The following SLC25A13 variants were observed in gnomAD, a reference collection of about 807,000 sequenced individuals.
The protein encoded by SLC25A13 is solute carrier family 25 member 13, also known as electrogenic aspartate/glutamate antiporter SLC25A13, mitochondrial.
SLC25A13 carries 70 observed loss-of-function variants against 85.5 expected under a neutral mutation model. The observed-to-expected ratio is 0.82, with a 90% CI of 0.68 to 1.00. SLC25A13 has a LOEUF of 1.00. Ranked by LOEUF, SLC25A13 falls within the 50% of genes least tolerant of loss-of-function variation. The pLI, the probability that SLC25A13 is intolerant of heterozygous loss-of-function variation, is 0.00. For synonymous variants in SLC25A13, 259 were observed against 288.7 expected (o/e 0.90, Z 1.04); for missense variants, 765 against 819.8 (o/e 0.93, Z 0.82).
At chr7:96,127,370 AT>A (rs1056067854) in intron 15 of SLC25A13, among the ~76,000 whole-genome samples, 4 of 152,188 alleles carry the variant, frequency 2.6e-5, no homozygotes, top group Non-Finnish European at 5.9e-5. Flanking sequence ...GTCTTGTTCT[AT>A]CTTGTGAAAT....
chr7:96,139,397 T>G (rs1792428833), intron 14 of SLC25A13, among the ~76,000 whole-genome samples: 1 of 152,206 alleles, frequency 6.6e-6, no homozygotes, highest in African/African-American at 2.4e-5. Context: ...AAAGTTCTTT[T>G]TTTTTCCAGT....
chr7:96,208,745 T>C (rs1355474077), intron 5 of SLC25A13, 93 bp downstream of exon 5: 3 of 1,410,268 alleles, frequency 2.1e-6, no homozygotes, highest in Non-Finnish European at 3.0e-6. Context: ...GACCTCGTCA[T>C]CCGCCCACCT....
chr7:96,256,830 C>T (rs555385905), intron 3 of SLC25A13, among the ~76,000 whole-genome samples: 2 of 152,204 alleles, frequency 1.3e-5, no homozygotes, highest in African/African-American at 4.8e-5. Flanking sequence ...TAAAACACTC[C>T]TCAGCAAATG....
intron 4 of SLC25A13, among the ~76,000 whole-genome samples, chr7:96,220,644 GT>G (rs1796087768): frequency 6.6e-6 from 1 of 152,130 alleles, no homozygotes; most frequent in Admixed American, 6.6e-5. Context: ...AGTACAGTTA[GT>G]TTAAAATAGT....
At chr7:96,175,165 A>C (rs1457347723) in intron 11 of SLC25A13, among the ~76,000 whole-genome samples, 3 of 152,186 alleles carry the variant, frequency 2.0e-5, no homozygotes, top group African/African-American at 7.2e-5. Context: ...ACATCAAAGA[A>C]GAGGAGATAT....
chr7:96,147,079 ACG>A (rs1170791688), intron 13 of SLC25A13, among the ~76,000 whole-genome samples: 43 of 45,372 alleles, frequency 9.5e-4, no homozygotes, highest in East Asian at 2.4e-3. Context: ...GAGACACAGA[ACG>A]TATCCAAATG....
chr7:96,175,021 G>A (rs1011162825), intron 11 of SLC25A13, among the ~76,000 whole-genome samples: 5 of 152,216 alleles, frequency 3.3e-5, no homozygotes, highest in African/African-American at 1.2e-4. Flanking sequence ...GGGAACGCTA[G>A]TTGTCTCCAC....
At chr7:96,191,029 A>C (rs1794826120) in intron 7 of SLC25A13, 80 bp downstream of exon 7, 1 of 1,504,766 alleles carries the variant, frequency 6.6e-7, no homozygotes, top group African/African-American at 1.4e-5. Context: ...AAAAATAATA[A>C]AGTACTAGTT....
Position 96,128,941 on chromosome 7 carries a change from T to TTG in SLC25A13, c.1591+2801_1591+2802insCA, listed in dbSNP as rs1279925045. ...ACACTGCAGCTTCTGCCTTGCTTGC[T>TTG]CTCTCTCTCTCTCTCTCTCTCTCTC... On this transcript the variant is annotated intron_variant, in intron 15 of 17. Transcript: ENST00000265631. 2.5e-3 allele frequency among the ~76,000 whole-genome samples: 244 copies of TTG among 98,430 alleles called. 2 individuals are homozygous for TTG. The highest frequency in any genetic ancestry group is 0.01 in the African/African-American group (235 of 22,502). The allele number at this position is 98,430 out of a possible 152,430, so 64.6% of individuals were successfully genotyped here.
chr7:96,249,158 CA>C (rs1305819667), intron 3 of SLC25A13, among the ~76,000 whole-genome samples: 1 of 152,094 alleles, frequency 6.6e-6, no homozygotes, highest in African/African-American at 2.4e-5. Flanking sequence ...GTAAAAAAGA[CA>C]AAAAGTAATT....
intron 4 of SLC25A13, among the ~76,000 whole-genome samples, chr7:96,232,554 C>T (rs1368956273): frequency 6.7e-6 from 1 of 148,534 alleles, no homozygotes; most frequent in African/African-American, 2.5e-5. Context: ...CACAAATTTA[C>T]CTATATAGTA....
intron 13 of SLC25A13, among the ~76,000 whole-genome samples, chr7:96,148,288 C>A (rs1792885925): frequency 6.6e-6 from 1 of 152,156 alleles, no homozygotes; most frequent in Non-Finnish European, 1.5e-5. Context: ...TTCTGGTCCA[C>A]ACAAAGACGT....
rs972325783 is a variant in SLC25A13 at position 96,158,256 on chromosome 7, C to T, written c.1312-11560G>A. Among the ~76,000 whole-genome samples, 8 of 152,184 alleles carry T rather than the reference C, an allele frequency of 5.3e-5. No homozygotes were observed. The East Asian group carries it at 5.8e-4, about 11-fold the overall frequency. ...TTAGATAAAAATACAAGCCTTCTTA[C>T]GCCTCCCAACCCCCAATCATTCTAG... On this transcript the variant is annotated intron_variant, in intron 13 of 17. Transcript: ENST00000265631.
At chr7:96,241,047 AAAG>A (rs1796967493) in intron 3 of SLC25A13, among the ~76,000 whole-genome samples, 1 of 62,986 alleles carries the variant, frequency 1.6e-5, no homozygotes, top group Non-Finnish European at 3.9e-5. Flanking sequence ...GGAAAGAAAG[AAAG>A]AAAGAAAGAA....
chr7:96,219,885 G>A (rs1796044695), intron 4 of SLC25A13: 2 of 386,660 alleles, frequency 5.2e-6, no homozygotes, highest in Non-Finnish European at 1.0e-5. Flanking sequence ...TTTAGCGTAA[G>A]ATATTAACCA....
chr7:96,132,176 CT>C (rs986072296), intron 14 of SLC25A13, among the ~76,000 whole-genome samples: 7 of 152,304 alleles, frequency 4.6e-5, no homozygotes, highest in African/African-American at 1.7e-4. Context: ...CTGTGACATC[CT>C]TTTAAATCCC....
At chr7:96,164,711 T>TAC (rs56377235) in intron 13 of SLC25A13, among the ~76,000 whole-genome samples, 5,886 of 143,108 alleles carry the variant, frequency 0.041, 158 homozygotes, top group South Asian at 0.072. Flanking sequence ...GGATTAACTT[T>TAC]ACACACACAC....
At chr7:96,282,624 A>G (rs1019125343) in intron 2 of SLC25A13, among the ~76,000 whole-genome samples, 1 of 152,172 alleles carries the variant, frequency 6.6e-6, no homozygotes, top group African/African-American at 2.4e-5. Context: ...ACTGTGTAGG[A>G]GATTGTTTTT....
intron 5 of SLC25A13, among the ~76,000 whole-genome samples, chr7:96,197,700 C>A (rs1795112425): frequency 1.3e-5 from 2 of 151,928 alleles, no homozygotes; most frequent in South Asian, 4.1e-4. Flanking sequence ...AAAACAGAGA[C>A]AGAGAGCTTT....
Sources: allele counts gnomAD v4.1 joint callset (sites outside exome capture counted in the v4.1 genomes callset), GRCh38; gene constraint gnomAD v4.1.1; transcripts MANE v1.5; gene names NCBI Gene and HGNC (gene_info 2026-07-23, HGNC 2026-07-21).